Variants in TRPM2 observed in about 807,000 individuals in gnomAD.
TRPM2 encodes the protein transient receptor potential cation channel subfamily M member 2.
Under a neutral mutation model 174.0 loss-of-function variants are expected in TRPM2, and 161 were observed. The observed-to-expected ratio is 0.93, with a 90% CI of 0.81 to 1.05. The LOEUF is 1.05. TRPM2 is among the 50% of genes least tolerant of loss of function. TRPM2 has a pLI of 0.00. For missense variants in TRPM2, 2,057 were observed against 2,038.0 expected, an observed-to-expected ratio of 1.01 and a Z score of -0.18; for synonymous variants, 954 against 861.3, an observed-to-expected ratio of 1.11 and a Z score of -1.88.
At position 44,406,007 on chromosome 21, in the gene TRPM2, G is replaced by A. The variant is rs201608125; in HGVS notation, c.2760G>A (p.Leu920=). The part of the protein sequence containing the change: ...LMHIFTISKT[L]GPKIIIVKRM... ...ACATTTTTACCATCAGTAAGACGCT[G>A]GGGCCCAAGATCATCATTGTGAAGC... is the stretch of plus-strand genomic sequence containing the variant. Residue 920 remains leucine, a synonymous_variant, in exon 18 of 32, where the codon CTG becomes CTA. Coordinates refer to ENST00000397928, the MANE Select transcript of TRPM2 (RefSeq NM_003307.4). 8.1e-6 allele frequency: 13 copies of A among 1,608,156 alleles called. No homozygotes were observed. Among genetic ancestry groups the A allele is most frequent in the Non-Finnish European group, 1.0e-5 (12 of 1,179,740 alleles).
In TRPM2 at chr21:44,439,252, C is replaced by T. The variant is rs2051398709; in HGVS notation, c.4269+84C>T. The T allele has an allele frequency of 7.7e-7, 1 of 1,302,768 alleles. No homozygotes were observed. The highest frequency in any genetic ancestry group is 1.5e-5 in the African/African-American group (1 of 68,762). 80.7% of individuals were successfully genotyped at this position (1,302,768 alleles called of 1,614,324 possible). On this transcript the variant is annotated intron_variant, in intron 30 of 31. Coordinates refer to ENST00000397928, the MANE Select transcript of TRPM2 (RefSeq NM_003307.4). The surrounding 1 kb of genome is among the most constrained non-coding windows in gnomAD (Gnocchi z 5.1). ...ACAGTGTGATACTGGGGACCTGCCC[C>T]AGCACCACTGGGTGGCAGCGGTCCC...
At chr21:44,436,911 C>T in intron 28 of TRPM2, 151 bp from the exon 29 acceptor site, 2 of 629,292 alleles carry the variant, frequency 3.2e-6, no homozygotes, top group Non-Finnish European at 5.5e-6. Context: ...TCAGTCTTTT[C>T]CCTGGGGATG....
At chr21:44,436,761 A>C (rs1242444454) in intron 28 of TRPM2, among the ~76,000 whole-genome samples, 1 of 151,940 alleles carries the variant, frequency 6.6e-6, no homozygotes, top group Non-Finnish European at 1.5e-5. Context: ...AGAGTGGTCA[A>C]ACTGCAAAGC....
At position 44,437,695 on chromosome 21, in the gene TRPM2, C is replaced by T. The variant is rs562597971; in HGVS notation, c.4167+528C>T. Among the ~76,000 whole-genome samples the T allele has an allele frequency of 1.2e-4, 18 of 152,298 alleles. No homozygotes were observed. The East Asian group carries it at 2.3e-3, about 20-fold the overall frequency. On this transcript the variant is annotated intron_variant, in intron 29 of 31. Coordinates refer to ENST00000397928, the MANE Select transcript of TRPM2 (RefSeq NM_003307.4). ...GCTGGTTGTGGGGCTGAGGCTGGAG[C>T]GCACCCCAGCATCTTGTGGGGAGGG...
chr21:44,366,086 G>A lies in TRPM2; in HGVS notation c.424-668G>A, dbSNP rs564347874. On this transcript the variant is annotated intron_variant, in intron 3 of 31. Transcript: ENST00000397928. This position sits in a 1 kb window ranked among gnomAD's most constrained non-coding sequence, Gnocchi z 6.0. ...TCTCTTCAGACACAGCCCGCCTAGC[G>A]GAACAGGGAAAGTCCGCTGTGTACT... 1.4e-4 allele frequency among the ~76,000 whole-genome samples: 21 copies of A among 152,322 alleles called. No homozygotes were observed. In the South Asian group the frequency reaches 3.7e-3, roughly 27 times the overall value.
intron 5 of TRPM2, among the ~76,000 whole-genome samples, chr21:44,371,330 G>A (rs2048536031): frequency 7.7e-6 from 1 of 130,334 alleles, no homozygotes; most frequent in South Asian, 2.8e-4. Context: ...GTCTGCCTCC[G>A]TGTCCCGTGG....
chr21:44,389,710 A>T (rs932464909), intron 9 of TRPM2, among the ~76,000 whole-genome samples: 1 of 151,942 alleles, frequency 6.6e-6, no homozygotes, highest in Non-Finnish European at 1.5e-5. Flanking sequence ...TGTCTTTCAG[A>T]TCTCTTGTCC....
intron 12 of TRPM2, among the ~76,000 whole-genome samples, chr21:44,397,456 C>T (rs568532262): frequency 2.0e-5 from 3 of 152,336 alleles, no homozygotes; most frequent in African/African-American, 7.2e-5. Context: ...GCAGCTCACA[C>T]GGGTTCCGAT....
chr21:44,398,271 G>A (rs1485342546), intron 13 of TRPM2, among the ~76,000 whole-genome samples: 1 of 151,082 alleles, frequency 6.6e-6, no homozygotes, highest in East Asian at 1.9e-4. Context: ...CACAATCTCG[G>A]CTCACTACAC....
In TRPM2 at chr21:44,425,733, C is replaced by A; in HGVS notation, c.3701C>A (p.Pro1234Gln). The A allele has an allele frequency of 1.3e-6, 2 of 1,581,060 alleles. No individual in the cohort carries two copies. Among genetic ancestry groups the A allele is most frequent in the Non-Finnish European group, 1.7e-6 (2 of 1,161,226 alleles). ...EPGGRKKTEEPGDSYHVNARH... is the reference protein window; with the variant it reads ...EPGGRKKTEEQGDSYHVNARH... ...GGAGGCAGGAAGAAGACGGAGGAGC[C>A]GGGCGACAGCTACCACGTGAATGCC... Residue 1234 changes from proline (P) to glutamine (Q), a missense_variant, in exon 25 of 32, where the codon CCG becomes CAG. Transcript: ENST00000397928.
chr21:44,402,790 G>T (rs1212982980), intron 16 of TRPM2, among the ~76,000 whole-genome samples: 1 of 152,184 alleles, frequency 6.6e-6, no homozygotes, highest in Non-Finnish European at 1.5e-5. Flanking sequence ...GCACCTGCTG[G>T]CAGCCGGTGA....
At chr21:44,380,282 A>T (rs2048839784) in intron 8 of TRPM2, among the ~76,000 whole-genome samples, 1 of 152,154 alleles carries the variant, frequency 6.6e-6, no homozygotes, top group South Asian at 2.1e-4. Flanking sequence ...CCGGCAGGAG[A>T]ATAACATGAT....
At chr21:44,388,464 A>T (rs746233860) in intron 9 of TRPM2, among the ~76,000 whole-genome samples, 1 of 152,088 alleles carries the variant, frequency 6.6e-6, no homozygotes, top group Non-Finnish European at 1.5e-5. Context: ...AGATAAAAAG[A>T]TATATGGAGA....
At position 44,359,374 on chromosome 21, in the gene TRPM2, G is replaced by A. The variant is rs1602120859; in HGVS notation, c.254+4638G>A. Among the ~76,000 whole-genome samples, 3 of 152,084 alleles carry A rather than the reference G, an allele frequency of 2.0e-5. No individual in the cohort carries two copies. The South Asian group carries it at 6.2e-4, about 32-fold the overall frequency. ...CGCAAGATCCCTGCAAGTCTGAAGTGCCTTGAGCGTGACCTTAGGGGTTTG... is the reference window on the plus strand; with the variant it reads ...CGCAAGATCCCTGCAAGTCTGAAGTACCTTGAGCGTGACCTTAGGGGTTTG... On this transcript the variant is annotated intron_variant, in intron 2 of 31. Coordinates refer to ENST00000397928, the MANE Select transcript of TRPM2 (RefSeq NM_003307.4).
chr21:44,407,371 C>G (rs770759293), intron 19 of TRPM2, among the ~76,000 whole-genome samples: 1 of 149,680 alleles, frequency 6.7e-6, no homozygotes, highest in Admixed American at 6.7e-5. Flanking sequence ...AAGTGATCCA[C>G]CCCCTTGGCC....
In TRPM2 at chr21:44,406,732, A is replaced by G. The variant is rs1273360820; in HGVS notation, c.2929A>G (p.Thr977Ala). The G allele has an allele frequency of 4.4e-6, 7 of 1,606,812 alleles. 1 individual carries two copies. The Admixed American group carries it at 1.0e-4, about 23-fold the overall frequency. Residue 977 changes from threonine (T) to alanine (A), a missense_variant, in exon 19 of 32, where the codon ACC becomes GCC. By Grantham distance (58) the Thr-to-Ala change is moderately conservative (BLOSUM62 0). Coordinates refer to ENST00000397928, the MANE Select transcript of TRPM2 (RefSeq NM_003307.4). ...FRGAVYHSYL[T>A]IFGQIPGYID... ...AGGGGCCGTCTACCACTCCTACCTC[A>G]CCATCTTCGGGCAGATCCCGGGCTA...
chr21:44,429,311 G>T (rs1601246116), intron 27 of TRPM2, among the ~76,000 whole-genome samples: 3 of 54,624 alleles, frequency 5.5e-5, no homozygotes, highest in Non-Finnish European at 6.7e-5. Flanking sequence ...TTTTGAGATG[G>T]AATTTCACTT....
chr21:44,418,188 C>G (rs2050382619), intron 21 of TRPM2, 80 bp downstream of exon 21: 9 of 1,525,560 alleles, frequency 5.9e-6, no homozygotes, highest in Admixed American at 1.9e-5. Flanking sequence ...GCAGCTCTGC[C>G]CAGAACCCTG....
chr21:44,423,911 C>T (rs766931282), intron 23 of TRPM2, among the ~76,000 whole-genome samples, 179 bp downstream of exon 23: 1 of 152,200 alleles, frequency 6.6e-6, no homozygotes, highest in Non-Finnish European at 1.5e-5. Context: ...CAGAAAACCC[C>T]GCCCAAGGGT....
Sources: gnomAD v4.1 joint callset for allele counts (sites outside exome capture counted in the v4.1 genomes callset) on GRCh38, gnomAD v4.1.1 for gene constraint, Gnocchi (gnomAD v3.1) non-coding constraint, MANE v1.5 for transcripts, NCBI Gene and HGNC (gene_info 2026-07-23, HGNC 2026-07-21) for gene names.